TMEM51: variants seen among roughly 807,000 people sequenced by gnomAD.
TMEM51 encodes the protein transmembrane protein 51.
A neutral mutation model predicts 13.6 loss-of-function variants in TMEM51; 8 were observed. That is an observed-to-expected ratio of 0.59 (90% CI 0.35 to 1.07). The LOEUF is 1.07. Ranked by LOEUF, TMEM51 falls within the 50% of genes least tolerant of loss-of-function variation. The pLI is 0.02. For missense variants in TMEM51, 279 were observed against 330.7 expected, an observed-to-expected ratio of 0.84 and a Z score of 1.21; for synonymous variants, 147 against 144.4, an observed-to-expected ratio of 1.02 and a Z score of -0.13.
intron 1 of TMEM51, among the ~76,000 whole-genome samples, chr1:15,193,425 C>A (rs1337222460): frequency 1.3e-5 from 2 of 152,198 alleles, no homozygotes; most frequent in African/African-American, 4.8e-5. Flanking sequence ...CCCAGAAAGG[C>A]AACAGCCCTG....
chr1:15,217,371 G>A (rs1177384746), intron 3 of TMEM51, among the ~76,000 whole-genome samples: 1 of 152,172 alleles, frequency 6.6e-6, no homozygotes. Flanking sequence ...GAAAGTGGGT[G>A]TAAGTGGGTA....
At chr1:15,190,867 G>A (rs532902609) in intron 1 of TMEM51, among the ~76,000 whole-genome samples, 53 of 152,036 alleles carry the variant, frequency 3.5e-4, no homozygotes, top group African/African-American at 9.4e-4. Flanking sequence ...GGTTCACTGC[G>A]ACCTCCACCT....
At chr1:15,179,682 T>C (rs572888260) in intron 1 of TMEM51, among the ~76,000 whole-genome samples, 65 of 152,172 alleles carry the variant, frequency 4.3e-4, no homozygotes, top group Middle Eastern at 3.4e-3. Flanking sequence ...CTTGGGAGGC[T>C]GAAACGGGAA....
At chr1:15,165,876 T>G (rs1642977775) in intron 1 of TMEM51, among the ~76,000 whole-genome samples, 1 of 151,972 alleles carries the variant, frequency 6.6e-6, no homozygotes, top group East Asian at 1.9e-4. Context: ...AGGTGGAGGT[T>G]GCGGTGAGCC....
intron 1 of TMEM51, among the ~76,000 whole-genome samples, chr1:15,206,535 C>T (rs187530814): frequency 2.0e-4 from 30 of 152,214 alleles, no homozygotes; most frequent in Non-Finnish European, 3.8e-4. Flanking sequence ...GATTATGAGT[C>T]GACTGTGCCA....
At chr1:15,157,410 C>G (rs922749219) in intron 1 of TMEM51, among the ~76,000 whole-genome samples, 1 of 152,170 alleles carries the variant, frequency 6.6e-6, no homozygotes, top group African/African-American at 2.4e-5. Context: ...AAAATCCACT[C>G]TGCTTATTTG....
At chr1:15,204,203 T>C (rs970347014) in intron 1 of TMEM51, among the ~76,000 whole-genome samples, 2 of 152,172 alleles carry the variant, frequency 1.3e-5, no homozygotes, top group Admixed American at 6.5e-5. Context: ...AGGCTCCAGC[T>C]TCTCTTCCAG....
intron 1 of TMEM51, 128 bp from the exon 2 acceptor site, chr1:15,210,362 A>G (rs1644319277): frequency 6.6e-6 from 1 of 152,172 alleles, no homozygotes; most frequent in African/African-American, 2.4e-5. Flanking sequence ...TCTTGCATAG[A>G]TACCTACCCT....
At chr1:15,212,609 C>G (rs2100350067) in intron 2 of TMEM51, among the ~76,000 whole-genome samples, 1 of 152,318 alleles carries the variant, frequency 6.6e-6, no homozygotes, top group East Asian at 1.9e-4. Flanking sequence ...TGACCTTGTC[C>G]CAGATCCATT....
intron 3 of TMEM51, among the ~76,000 whole-genome samples, chr1:15,217,754 G>A (rs900395200): frequency 6.6e-6 from 1 of 152,060 alleles, no homozygotes; most frequent in African/African-American, 2.4e-5. Context: ...GGTCTATCTA[G>A]GGCCTCCATG....
intron 1 of TMEM51, among the ~76,000 whole-genome samples, chr1:15,178,054 G>A (rs1298271663): frequency 1.3e-5 from 2 of 151,942 alleles, no homozygotes; most frequent in African/African-American, 2.4e-5. Context: ...CCTAGAACCA[G>A]AACCTTTGAC....
At chr1:15,184,631 A>G (rs1296463980) in intron 1 of TMEM51, among the ~76,000 whole-genome samples, 2 of 152,204 alleles carry the variant, frequency 1.3e-5, no homozygotes, top group African/African-American at 4.8e-5. Flanking sequence ...TGGCTTAGAC[A>G]AAGGTGGTAG....
At chr1:15,201,266 G>C (rs1196951088) in intron 1 of TMEM51, among the ~76,000 whole-genome samples, 1 of 151,962 alleles carries the variant, frequency 6.6e-6, no homozygotes, top group Non-Finnish European at 1.5e-5. Flanking sequence ...TGAGAAATTA[G>C]ACTGTGATTA....
chr1:15,206,794 C>A (rs1644258730), intron 1 of TMEM51, among the ~76,000 whole-genome samples: 1 of 152,184 alleles, frequency 6.6e-6, no homozygotes, highest in South Asian at 2.1e-4. Flanking sequence ...CCCATCAGCT[C>A]TCTCCAGCTG....
In TMEM51 at chr1:15,215,310, A is replaced by G. The variant is rs1223153862; in HGVS notation, c.223A>G (p.Met75Val). 3 of 1,614,138 alleles carry G rather than the reference A, an allele frequency of 1.9e-6. No individual in the cohort carries two copies. The highest frequency in any genetic ancestry group is 2.5e-6 in the Non-Finnish European group (3 of 1,180,026). ...VAYVLVGAGVMLLLLSICLSI... is the reference protein window; with the variant it reads ...VAYVLVGAGVVLLLLSICLSI... ...CTACGTGCTGGTCGGGGCCGGGGTG[A>G]TGCTGCTGCTGCTTTCTATCTGCCT... Residue 75 changes from methionine to valine, a missense_variant, in exon 3 of 4, where the codon ATG becomes GTG. By Grantham distance (21) the Met-to-Val change is conservative (BLOSUM62 1). Coordinates refer to ENST00000376008, the MANE Select transcript of TMEM51 (RefSeq NM_001136218.2).
chr1:15,163,769 G>A lies in TMEM51; in HGVS notation c.-267+9815G>A, dbSNP rs916450279. ...TTAGATTTATAGAAAAGTTGCAAAG[G>A]TAATATGGGGCATTTTTGTCTACCC... On this transcript the variant is annotated intron_variant, in intron 1 of 3. Coordinates refer to ENST00000376008, the MANE Select transcript of TMEM51 (RefSeq NM_001136218.2). Among the ~76,000 whole-genome samples, 8 of 145,510 alleles carry A rather than the reference G, an allele frequency of 5.5e-5. No homozygotes were observed. In the South Asian group the frequency reaches 1.5e-3, roughly 28 times the overall value.
At chr1:15,202,212 C>T (rs1195326630) in intron 1 of TMEM51, among the ~76,000 whole-genome samples, 1 of 152,106 alleles carries the variant, frequency 6.6e-6, no homozygotes, top group Admixed American at 6.5e-5. Context: ...CCAACCTGGC[C>T]ACACGAGGAA....
rs775322933 is a variant in TMEM51, at chr1:15,157,819, G to A, written c.-267+3865G>A. Among the ~76,000 whole-genome samples, 7 of 152,290 alleles carry A rather than the reference G, an allele frequency of 4.6e-5. No individual in the cohort carries two copies. The East Asian group carries it at 5.8e-4, about 13-fold the overall frequency. On this transcript the variant is annotated intron_variant, in intron 1 of 3. Coordinates refer to ENST00000376008, the MANE Select transcript of TMEM51 (RefSeq NM_001136218.2). ...ATGGCAGGCTTTTAAAGTTGTCTTC[G>A]TCCACAGATTACAAAAGAAGTAGGT...
At position 15,154,252 on chromosome 1, in the gene TMEM51, C is replaced by T. The variant is rs968595013; in HGVS notation, c.-267+298C>T. On this transcript the variant is annotated intron_variant, in intron 1 of 3. Transcript: ENST00000376008. ...CCTGTTGGCGGGAACAGGTGCTATC[C>T]GCCCGGCGGGCTTCGAACCCTTGGC... Among the ~76,000 whole-genome samples the T allele has an allele frequency of 5.9e-5, 9 of 152,348 alleles. No homozygotes were observed. The East Asian group carries it at 1.7e-3, about 29-fold the overall frequency.
Sources: gnomAD v4.1 joint callset for allele counts (sites outside exome capture counted in the v4.1 genomes callset) on GRCh38, gnomAD v4.1.1 for gene constraint, MANE v1.5 for transcripts, NCBI Gene and HGNC (gene_info 2026-07-23, HGNC 2026-07-21) for gene names.